The following ARID1B variants were observed in gnomAD, a reference collection of about 807,000 sequenced individuals.
ARID1B encodes the protein AT-rich interaction domain 1B, also known as AT-rich interactive domain-containing protein 1B.
A neutral mutation model predicts 212.3 loss-of-function variants in ARID1B; 30 were observed. The ratio of observed to expected loss-of-function variants is 0.14; its 90% CI spans 0.11 to 0.19. ARID1B has a LOEUF of 0.19. ARID1B is among the 10% of genes least tolerant of loss of function. ARID1B has a pLI of 1.00. For synonymous variants in ARID1B, 1,402 were observed against 1,301.7 expected, an observed-to-expected ratio of 1.08 and a Z score of -1.66; for missense variants, 2,891 against 3,204.0, an observed-to-expected ratio of 0.90 and a Z score of 2.36.
At chr6:156,902,735 C>CAAAAAAAAAA (rs869259426) in intron 3 of ARID1B, among the ~76,000 whole-genome samples, 3 of 61,682 alleles carry the variant, frequency 4.9e-5, no homozygotes, top group African/African-American at 1.6e-4. Context: ...GACTCTGTCT[C>CAAAAAAAAAA]AAAAAAAAAA....
intron 7 of ARID1B, 121 bp downstream of exon 7, chr6:157,133,328 AG>A: frequency 8.8e-7 from 1 of 1,137,172 alleles, no homozygotes; most frequent in Non-Finnish European, 1.2e-6. Flanking sequence ...GTTACCTGAC[AG>A]GTTTGTGAGG....
At chr6:157,027,121 TA>T (rs964885232) in intron 4 of ARID1B, among the ~76,000 whole-genome samples, 4 of 151,494 alleles carry the variant, frequency 2.6e-5, no homozygotes, top group Admixed American at 6.6e-5. Context: ...CTGAAAAGAA[TA>T]AAAAAAAATA....
intron 2 of ARID1B, among the ~76,000 whole-genome samples, chr6:156,890,457 A>G (rs1263713741): frequency 2.0e-5 from 3 of 152,216 alleles, no homozygotes; most frequent in Non-Finnish European, 4.4e-5. Context: ...ATTTTATCCT[A>G]TGATTTTTTT....
intron 1 of ARID1B, among the ~76,000 whole-genome samples, chr6:156,809,523 A>G (rs999752220): frequency 6.6e-6 from 1 of 152,100 alleles, no homozygotes; most frequent in Non-Finnish European, 1.5e-5. Context: ...GTAATTATGC[A>G]TGCTTAAAGG....
chr6:157,006,488 A>G (rs188014347), intron 4 of ARID1B, among the ~76,000 whole-genome samples: 148 of 152,378 alleles, frequency 9.7e-4, no homozygotes, highest in African/African-American at 3.4e-3. Flanking sequence ...GAGCAGTACC[A>G]GTTAAGCAGC....
At chr6:157,065,720 G>A (rs956780560) in intron 4 of ARID1B, among the ~76,000 whole-genome samples, 5 of 152,322 alleles carry the variant, frequency 3.3e-5, no homozygotes, top group South Asian at 2.1e-4. Context: ...AGAATTTAGC[G>A]TACATTAGTG....
At chr6:157,187,644 G>A (rs750012257) in intron 13 of ARID1B, among the ~76,000 whole-genome samples, 2 of 152,014 alleles carry the variant, frequency 1.3e-5, no homozygotes, top group Non-Finnish European at 1.5e-5. Context: ...GTTTACTTTA[G>A]AGTATACATT....
intron 4 of ARID1B, among the ~76,000 whole-genome samples, chr6:156,966,646 C>T (rs980359893): frequency 6.6e-6 from 1 of 152,046 alleles, no homozygotes; most frequent in African/African-American, 2.4e-5. Flanking sequence ...CCACCCGCCT[C>T]GTGCTCCCAA....
intron 4 of ARID1B, among the ~76,000 whole-genome samples, chr6:156,986,559 C>T (rs1331462180): frequency 6.6e-6 from 1 of 152,166 alleles, no homozygotes; most frequent in Non-Finnish European, 1.5e-5. Flanking sequence ...AGTTTCCTTA[C>T]CTACAAAATG....
At chr6:156,855,360 A>C (rs1434624643) in intron 2 of ARID1B, among the ~76,000 whole-genome samples, 1 of 152,218 alleles carries the variant, frequency 6.6e-6, no homozygotes, top group Non-Finnish European at 1.5e-5. Context: ...TATTGTGTGC[A>C]AGTGTACCTT....
chr6:157,047,026 G>T (rs568477008), intron 4 of ARID1B, among the ~76,000 whole-genome samples: 6 of 152,070 alleles, frequency 3.9e-5, no homozygotes, highest in Non-Finnish European at 5.9e-5. Flanking sequence ...TTTTAAATCA[G>T]TCCTCTCAAG....
At chr6:156,954,088 T>G (rs1793782241) in intron 4 of ARID1B, among the ~76,000 whole-genome samples, 1 of 152,236 alleles carries the variant, frequency 6.6e-6, no homozygotes, top group African/African-American at 2.4e-5. Flanking sequence ...CAGTCAGATT[T>G]GCTCTGTTGC....
intron 5 of ARID1B, among the ~76,000 whole-genome samples, chr6:157,090,674 AT>A (rs1452919813): frequency 6.6e-6 from 1 of 152,076 alleles, no homozygotes; most frequent in Non-Finnish European, 1.5e-5. Context: ...TTCTTTTCAC[AT>A]TTCGTGCTTC....
chr6:156,892,854 A>G (rs1406624067), intron 2 of ARID1B, among the ~76,000 whole-genome samples: 4 of 152,152 alleles, frequency 2.6e-5, no homozygotes, highest in Non-Finnish European at 5.9e-5. Flanking sequence ...ACCAAACTGT[A>G]CTTCTTAAAA....
chr6:156,839,804 T>G (rs190397850), intron 2 of ARID1B, among the ~76,000 whole-genome samples: 232 of 152,306 alleles, frequency 1.5e-3, no homozygotes, highest in Non-Finnish European at 2.7e-3. Flanking sequence ...CCAGGAGGGA[T>G]TCCAGCTCTG....
chr6:157,131,487 A>G (rs369624037), intron 6 of ARID1B, among the ~76,000 whole-genome samples: 2 of 152,044 alleles, frequency 1.3e-5, no homozygotes, highest in South Asian at 4.2e-4. Flanking sequence ...GGAGGAGGGA[A>G]CGGGGGAGAG....
chr6:156,793,138 G>T (rs1330905655), intron 1 of ARID1B, among the ~76,000 whole-genome samples: 1 of 152,116 alleles, frequency 6.6e-6, no homozygotes, highest in Non-Finnish European at 1.5e-5. Flanking sequence ...ATACCGGGGT[G>T]GGGGCATGAG....
chr6:156,796,060 G>A (rs528667205), intron 1 of ARID1B, among the ~76,000 whole-genome samples: 22 of 152,256 alleles, frequency 1.4e-4, no homozygotes, highest in African/African-American at 5.3e-4. Context: ...GGTTTTCAGC[G>A]TGTGTGCTCC....
rs556959462 is a variant in ARID1B, at chr6:156,918,799, G to A, written c.2137-16667G>A. ...AGGTGGGGTTAGATAGGCTGCAGGA[G>A]CCACCAGCCTGCCTGCGCTCGCTCT... is the stretch of plus-strand genomic sequence containing the variant. On this transcript the variant is annotated intron_variant, in intron 3 of 19. Transcript: ENST00000636930. Among the ~76,000 whole-genome samples the A allele has an allele frequency of 2.7e-3, 417 of 152,280 alleles. 2 individuals carry two copies. The highest frequency in any genetic ancestry group is 9.4e-3 in the African/African-American group (391 of 41,548).
Sources: gnomAD v4.1 joint callset for allele counts (sites outside exome capture counted in the v4.1 genomes callset) on GRCh38, gnomAD v4.1.1 for gene constraint, MANE v1.5 for transcripts, NCBI Gene and HGNC (gene_info 2026-07-23, HGNC 2026-07-21) for gene names.